The following GIPC1 variants were observed in gnomAD, a reference collection of about 807,000 sequenced individuals.
GIPC1 encodes PDZ domain-containing protein GIPC1.
In GIPC1, 15 loss-of-function variants were observed where a neutral mutation model predicts 28.5. The observed-to-expected ratio is 0.53, with a 90% CI of 0.35 to 0.81. The LOEUF is 0.81. Among genes scored for constraint, GIPC1 ranks in the 30% least tolerant of loss-of-function variants. GIPC1 has a pLI of 0.01. For synonymous variants in GIPC1, 224 were observed against 206.1 expected (o/e 1.09, Z -0.74); for missense variants, 439 against 481.9 (o/e 0.91, Z 0.83).
chr19:14,479,889 C>T (rs912917064), intron 6 of GIPC1: 6 of 388,752 alleles, frequency 1.5e-5, no homozygotes, highest in Non-Finnish European at 2.3e-5. Context: ...GGGCCACAGA[C>T]CAGCCCTACC....
Position 14,478,778 on chromosome 19 carries a change from G to C in GIPC1, c.769-13C>G. On this transcript the variant is annotated splice_polypyrimidine_tract_variant and intron_variant, in intron 7 of 8. Transcript: ENST00000393033. The surrounding 1 kb of genome is among the most constrained non-coding windows in gnomAD (Gnocchi z 5.2). ...CAAAGGCAGAGGGCTGGGGGCCAGGGAGGGGTGACAGCGACATCATAACAA... is the reference window on the plus strand; with the variant it reads ...CAAAGGCAGAGGGCTGGGGGCCAGGCAGGGGTGACAGCGACATCATAACAA... 11 of 1,596,232 alleles carry C rather than the reference G, an allele frequency of 6.9e-6. No individual in the cohort carries two copies. Among genetic ancestry groups the C allele is most frequent in the Non-Finnish European group, 8.6e-6 (10 of 1,163,784 alleles).
In GIPC1 at chr19:14,480,626, G is replaced by A. The variant is rs952982680; in HGVS notation, c.441C>T (p.Ile147=). Residue 147 remains isoleucine (I), a synonymous_variant, in exon 5 of 9, where the codon ATC becomes ATT. Coordinates refer to ENST00000393033, the MANE Select transcript of GIPC1 (RefSeq NM_005716.4). ...FKSEDALGLT[I]TDNGAGYAFI... ...AGGCGTAGCCAGCCCCGTTGTCCGT[G>A]ATGGTGAGCCCGAGTGCATCCTCCG... The A allele has an allele frequency of 1.2e-6, 2 of 1,614,218 alleles. No homozygotes were observed. Among genetic ancestry groups the A allele is most frequent in the Admixed American group, 3.3e-5 (2 of 60,028 alleles).
At chr19:14,482,600 G>C in intron 4 of GIPC1, 89 bp downstream of exon 4, 1 of 1,303,740 alleles carries the variant, frequency 7.7e-7, no homozygotes, top group African/African-American at 1.5e-5. Context: ...TGCAGCTTCA[G>C]CATCTGAGCC....
Position 14,479,496 on chromosome 19 carries a change from G to A in GIPC1, c.684C>T (p.Gly228=). Residue 228 remains glycine, a synonymous_variant, in exon 7 of 9, where the codon GGC becomes GGT. Transcript: ENST00000393033. ...FDMISQRSAG[G]RPGSGPQLGT... is the part of the protein sequence containing the mutation. ...CCAGTTGTGGGCCAGAGCCAGGGCG[G>A]CCACCCGCTGAACGCTGGCTGATCA... The A allele has an allele frequency of 2.1e-6, 3 of 1,443,032 alleles. No homozygotes were observed. The highest frequency in any genetic ancestry group is 1.5e-5 in the African/African-American group (1 of 66,516). The allele number at this position is 1,443,032 out of a possible 1,614,324, so 89.4% of individuals were successfully genotyped here.
At position 14,480,612 on chromosome 19, in the gene GIPC1, G is replaced by A. The variant is rs2071707014; in HGVS notation, c.455C>T (p.Ala152Val). ...AGGCACCTTGATGAAGGCGTAGCCAGCCCCGTTGTCCGTGATGGTGAGCCC... is the reference window on the plus strand; with the variant it reads ...AGGCACCTTGATGAAGGCGTAGCCAACCCCGTTGTCCGTGATGGTGAGCCC... ...ALGLTITDNG[A>V]GYAFIKRIKE... Residue 152 changes from alanine to valine, a missense_variant, in exon 5 of 9, where the codon GCT becomes GTT. Coordinates refer to ENST00000393033, the MANE Select transcript of GIPC1 (RefSeq NM_005716.4). 6.2e-7 allele frequency: 1 copy of A among 1,614,032 alleles called. No individual in the cohort carries two copies. Among genetic ancestry groups the A allele is most frequent in the African/African-American group, 1.3e-5 (1 of 74,946 alleles).
At chr19:14,482,603 T>A in intron 4 of GIPC1, 86 bp downstream of exon 4, 1 of 1,323,964 alleles carries the variant, frequency 7.6e-7, no homozygotes, top group Non-Finnish European at 1.1e-6. Flanking sequence ...AGCTTCAGCA[T>A]CTGAGCCCCA....
rs759239232 is a variant in GIPC1 at position 14,482,681 on chromosome 19, G to C, written c.288+8C>G. 1.9e-6 allele frequency: 3 copies of C among 1,611,010 alleles called. No individual in the cohort carries two copies. Among genetic ancestry groups the C allele is most frequent in the Non-Finnish European group, 8.5e-7 (1 of 1,179,674 alleles). ...AGGGACCCTGGTGCCCGGCTCCCCA[G>C]TGGATACCTCGGCAGTTGGCAGGCG... On this transcript the variant is annotated splice_region_variant and intron_variant, in intron 4 of 8. Transcript: ENST00000393033.
chr19:14,482,557 C>T lies in GIPC1; in HGVS notation c.288+132G>A, dbSNP rs1022132760. ...TCAGCATCCAGCCCAGGCCATTGGC[C>T]CCCACCACTGAGTGGGGCCCAGGCT... On this transcript the variant is annotated intron_variant, in intron 4 of 8. Coordinates refer to ENST00000393033, the MANE Select transcript of GIPC1 (RefSeq NM_005716.4). 4 of 886,946 alleles carry T rather than the reference C, an allele frequency of 4.5e-6. No homozygotes were observed. The African/African-American group carries it at 5.0e-5, about 11-fold the overall frequency. The allele number at this position is 886,946 out of a possible 1,614,324, so 54.9% of individuals were successfully genotyped here.
chr19:14,487,366 G>A (rs541689662), intron 3 of GIPC1, among the ~76,000 whole-genome samples: 1 of 151,966 alleles, frequency 6.6e-6, no homozygotes, highest in Non-Finnish European at 1.5e-5. Context: ...CCAGGTAGCT[G>A]GGACTACAGG....
chr19:14,481,269 CAT>C (rs1445117962), intron 4 of GIPC1, among the ~76,000 whole-genome samples: 7 of 152,084 alleles, frequency 4.6e-5, no homozygotes, highest in Non-Finnish European at 1.0e-4. Flanking sequence ...ACCACACCCA[CAT>C]AGTTAAAATA....
At position 14,480,586 on chromosome 19, in the gene GIPC1, C is replaced by T. The variant is rs780062328; in HGVS notation, c.474+7G>A. On this transcript the variant is annotated splice_region_variant and intron_variant, in intron 5 of 8. Transcript: ENST00000393033. ...AGGCCTCCGGGGTGCCCCGTCTCCCCAGGCACCTTGATGAAGGCGTAGCCA... is the reference window on the plus strand; with the variant it reads ...AGGCCTCCGGGGTGCCCCGTCTCCCTAGGCACCTTGATGAAGGCGTAGCCA... 1.2e-6 allele frequency: 2 copies of T among 1,613,282 alleles called. No individual in the cohort carries two copies. The highest frequency in any genetic ancestry group is 2.2e-5 in the South Asian group (2 of 90,954).
In GIPC1 at chr19:14,478,209, G is replaced by C; in HGVS notation, c.*207C>G. On this transcript the variant is annotated 3_prime_UTR_variant, in exon 9 of 9. Transcript: ENST00000393033. The surrounding 1 kb of genome is among the most constrained non-coding windows in gnomAD (Gnocchi z 5.2). ...TAGGTGGGGAACAGGGCACAGGGGG[G>C]CCGGGGACCCCGGCCAGACTGGGAA... 1 of 565,880 alleles carries C rather than the reference G, an allele frequency of 1.8e-6. No individual in the cohort carries two copies. The highest frequency in any genetic ancestry group is 3.1e-6 in the Non-Finnish European group (1 of 323,220). 35.1% of individuals were successfully genotyped at this position (565,880 alleles called of 1,614,324 possible).
At chr19:14,480,540 C>T (rs1325659072) in intron 5 of GIPC1, 53 bp downstream of exon 5, 1 of 1,604,598 alleles carries the variant, frequency 6.2e-7, no homozygotes, top group African/African-American at 1.3e-5. Flanking sequence ...TTCCGGGGTC[C>T]CATGGCCCAC....
At chr19:14,492,219 G>C (rs559363849) in intron 2 of GIPC1, among the ~76,000 whole-genome samples, 1 of 152,304 alleles carries the variant, frequency 6.6e-6, no homozygotes, top group East Asian at 1.9e-4. Flanking sequence ...ACCTCTCTGA[G>C]CTCCAAGGAA....
At chr19:14,479,931 C>T (rs1377610436) in intron 6 of GIPC1, 3 of 433,024 alleles carry the variant, frequency 6.9e-6, no homozygotes, top group Non-Finnish European at 1.2e-5. Context: ...CCCCCACCCC[C>T]ACCTCAGGGG....
At position 14,478,158 on chromosome 19, in the gene GIPC1, C is replaced by T. The variant is rs2071638917; in HGVS notation, c.*258G>A. ...GCCGCCCAATTTGGCTGATCCCTCC[C>T]CTCCCTGTGCCTGACCCAGCTGAGG... On this transcript the variant is annotated 3_prime_UTR_variant, in exon 9 of 9. Coordinates refer to ENST00000393033, the MANE Select transcript of GIPC1 (RefSeq NM_005716.4). This position sits in a 1 kb window ranked among gnomAD's most constrained non-coding sequence, Gnocchi z 5.2. 1 of 447,786 alleles carries T rather than the reference C, an allele frequency of 2.2e-6. No individual in the cohort carries two copies. 27.7% of individuals were successfully genotyped at this position (447,786 alleles called of 1,614,324 possible). A position where few individuals can be genotyped will look rare whatever the true frequency, so the allele number is the denominator to read the frequency against.
intron 3 of GIPC1, among the ~76,000 whole-genome samples, chr19:14,487,985 A>G (rs1193871931): frequency 2.6e-5 from 4 of 152,098 alleles, no homozygotes; most frequent in African/African-American, 9.7e-5. Flanking sequence ...CCAGCCTCAT[A>G]TAATTTTTAA....
At chr19:14,489,276 T>C (rs1416942090) in intron 3 of GIPC1, 1 of 687,902 alleles carries the variant, frequency 1.5e-6, no homozygotes, top group African/African-American at 1.8e-5. Context: ...GAACAATCGA[T>C]TGGCTAACGA....
chr19:14,491,140 A>T (rs1425051937), intron 3 of GIPC1, among the ~76,000 whole-genome samples: 1 of 152,128 alleles, frequency 6.6e-6, no homozygotes, highest in Non-Finnish European at 1.5e-5. Flanking sequence ...TGTGAGCCAA[A>T]GAAGGCTGGT....
Sources: allele counts gnomAD v4.1 joint callset (sites outside exome capture counted in the v4.1 genomes callset), GRCh38; gene constraint gnomAD v4.1.1; non-coding constraint Gnocchi (gnomAD v3.1); transcripts MANE v1.5; gene names NCBI Gene and HGNC (gene_info 2026-07-23, HGNC 2026-07-21).